The following SLC8A2 variants were observed in gnomAD, a reference collection of about 807,000 sequenced individuals.
The protein encoded by SLC8A2 is solute carrier family 8 member A2.
Under a neutral mutation model 70.2 loss-of-function variants are expected in SLC8A2, and 14 were observed. The observed-to-expected ratio is 0.20, with a 90% CI of 0.13 to 0.31. The LOEUF (loss-of-function observed/expected upper bound fraction) is 0.31. SLC8A2 is among the 10% of genes least tolerant of loss of function. The probability of loss-of-function intolerance (pLI) is 1.00; values close to 1 mark genes in which losing one functional copy is unlikely to be tolerated. For missense variants in SLC8A2, 779 were observed against 1,320.1 expected (o/e 0.59, Z 6.35); for synonymous variants, 575 against 594.3 (o/e 0.97, Z 0.47).
At chr19:47,454,670 T>C (rs1298319471) in intron 3 of SLC8A2, among the ~76,000 whole-genome samples, 1 of 152,026 alleles carries the variant, frequency 6.6e-6, no homozygotes, top group Non-Finnish European at 1.5e-5. Flanking sequence ...CTGGACTGAC[T>C]GAGGTGGAGG....
intron 4 of SLC8A2, among the ~76,000 whole-genome samples, chr19:47,445,839 T>C (rs1967154415): frequency 6.6e-6 from 1 of 152,146 alleles, no homozygotes; most frequent in South Asian, 2.1e-4. Context: ...TTCCCCCATC[T>C]CTTGGTGTGA....
chr19:47,450,646 A>ATCC (rs1323795798), intron 3 of SLC8A2, among the ~76,000 whole-genome samples: 3 of 152,116 alleles, frequency 2.0e-5, no homozygotes, highest in Non-Finnish European at 4.4e-5. Flanking sequence ...CAGTGGAGGG[A>ATCC]TGAGGGAGTC....
At chr19:47,454,356 G>T (rs1391686688) in intron 3 of SLC8A2, among the ~76,000 whole-genome samples, 1 of 152,212 alleles carries the variant, frequency 6.6e-6, no homozygotes, top group Non-Finnish European at 1.5e-5. Flanking sequence ...TCCCTCAACT[G>T]AGGGCATGTG....
intron 2 of SLC8A2, among the ~76,000 whole-genome samples, chr19:47,460,909 G>A (rs1170550262): frequency 2.0e-5 from 3 of 151,608 alleles, no homozygotes; most frequent in Non-Finnish European, 4.4e-5. Flanking sequence ...AGATGAAGAA[G>A]AAAAGATAAA....
intron 3 of SLC8A2, among the ~76,000 whole-genome samples, chr19:47,450,906 A>G (rs1967226528): frequency 6.6e-6 from 1 of 152,030 alleles, no homozygotes; most frequent in Non-Finnish European, 1.5e-5. Flanking sequence ...ATATCCACAT[A>G]TTAATATCAT....
Position 47,430,594 on chromosome 19 carries a change from G to T in SLC8A2, c.2390-129C>A. ...CGGGCAGTGTGGGCTCAAGACCCCT[G>T]ACCCCCACCCAAGAGGCAAAGTCCA... On this transcript the variant is annotated intron_variant, in intron 9 of 9. Coordinates refer to ENST00000236877, the MANE Select transcript of SLC8A2 (RefSeq NM_015063.3). This position sits in a 1 kb window ranked among gnomAD's most constrained non-coding sequence, Gnocchi z 5.9. 1 of 1,006,462 alleles carries T rather than the reference G, an allele frequency of 9.9e-7. No homozygotes were observed. Among genetic ancestry groups the T allele is most frequent in the Non-Finnish European group, 1.4e-6 (1 of 708,442 alleles). The allele number at this position is 1,006,462 out of a possible 1,614,324, so 62.3% of individuals were successfully genotyped here.
In SLC8A2 at chr19:47,468,820, G is replaced by A. The variant is rs952408326; in HGVS notation, c.-16-2401C>T. Among the ~76,000 whole-genome samples, 1 of 152,148 alleles carries A rather than the reference G, an allele frequency of 6.6e-6. No individual in the cohort carries two copies. Among genetic ancestry groups the A allele is most frequent in the African/African-American group, 2.4e-5 (1 of 41,430 alleles). ...TCTCCAAGAGTGGCCCTGACTCTGA[G>A]CTCCTCCGCCCCACCCTCATGTTGC... is the stretch of plus-strand genomic sequence containing the variant. On this transcript the variant is annotated intron_variant, in intron 1 of 9. Transcript: ENST00000236877. The surrounding 1 kb of genome is among the most constrained non-coding windows in gnomAD (Gnocchi z 5.1).
In SLC8A2 at chr19:47,448,000, G is replaced by A; in HGVS notation, c.1572C>T (p.Ile524=). The A allele has an allele frequency of 1.3e-6, 2 of 1,562,220 alleles. No homozygotes were observed. Among genetic ancestry groups the A allele is most frequent in the Non-Finnish European group, 1.7e-6 (2 of 1,153,094 alleles). The change falls in exon 4 of 10, where the codon ATC becomes ATT. Residue 524 remains isoleucine, a synonymous_variant. Transcript: ENST00000236877. This position sits in a 1 kb window ranked among gnomAD's most constrained non-coding sequence, Gnocchi z 5.1. ...GCAGCAGGCGGTCCTGGAAGGAGAA[G>A]ATGCCTGCGTGGTCGTCGTCCAGGA... The part of the protein sequence containing the change: ...VTILDDDHAG[I]FSFQDRLLHV...
intron 3 of SLC8A2, among the ~76,000 whole-genome samples, chr19:47,451,243 C>G (rs897125875): frequency 6.6e-6 from 1 of 151,916 alleles, no homozygotes; most frequent in Non-Finnish European, 1.5e-5. Context: ...CTCCTGACCT[C>G]GTGATCTGCC....
At chr19:47,443,532 C>T (rs1967123649) in intron 4 of SLC8A2, among the ~76,000 whole-genome samples, 1 of 152,232 alleles carries the variant, frequency 6.6e-6, no homozygotes. Context: ...CACCCACACG[C>T]CATCACACCC....
chr19:47,461,292 T>G (rs1013806187), intron 2 of SLC8A2, among the ~76,000 whole-genome samples: 6 of 151,392 alleles, frequency 4.0e-5, no homozygotes, highest in African/African-American at 1.5e-4. Flanking sequence ...GTGGATCACT[T>G]GAGCTCAGGA....
At chr19:47,440,033 T>G (rs1390426686) in intron 6 of SLC8A2, among the ~76,000 whole-genome samples, 1 of 152,162 alleles carries the variant, frequency 6.6e-6, no homozygotes, top group African/African-American at 2.4e-5. Context: ...CTTGTATTGC[T>G]TCCTCCAACG....
intron 3 of SLC8A2, among the ~76,000 whole-genome samples, chr19:47,449,498 C>CT (rs1397152066): frequency 1.3e-5 from 2 of 151,954 alleles, no homozygotes; most frequent in African/African-American, 4.8e-5. Context: ...ATTTTGTGTA[C>CT]TTTTTTGTAG....
intron 3 of SLC8A2, among the ~76,000 whole-genome samples, chr19:47,453,881 C>T (rs945532158): frequency 3.3e-5 from 5 of 150,586 alleles, no homozygotes; most frequent in East Asian, 2.0e-4. Flanking sequence ...GCCATGATTG[C>T]GCCACTGTGC....
rs781331368 is a variant in SLC8A2 at position 47,437,575 on chromosome 19, G to A, written c.2011-14C>T. The A allele has an allele frequency of 6.2e-5, 99 of 1,587,814 alleles. No individual in the cohort carries two copies. Among genetic ancestry groups the A allele is most frequent in the Non-Finnish European group, 7.2e-5 (83 of 1,156,400 alleles). On this transcript the variant is annotated splice_polypyrimidine_tract_variant and intron_variant, in intron 7 of 9. Coordinates refer to ENST00000236877, the MANE Select transcript of SLC8A2 (RefSeq NM_015063.3). Reference sequence around the variant, plus strand: ...ATCCACCGTGTTCTGGGGATGAGAGGGTGGGGGAGAGGTCACTGCCCCTGA... The same window carrying A: ...ATCCACCGTGTTCTGGGGATGAGAGAGTGGGGGAGAGGTCACTGCCCCTGA...
At chr19:47,444,065 T>C (rs1397510055) in intron 4 of SLC8A2, among the ~76,000 whole-genome samples, 1 of 151,942 alleles carries the variant, frequency 6.6e-6, no homozygotes, top group Non-Finnish European at 1.5e-5. Flanking sequence ...CTGGCTACTT[T>C]TAAATTTTTT....
intron 4 of SLC8A2, among the ~76,000 whole-genome samples, chr19:47,444,396 TC>T (rs1234487259): frequency 2.0e-5 from 3 of 152,156 alleles, no homozygotes; most frequent in Middle Eastern, 6.8e-3. Flanking sequence ...TGTGGGGACA[TC>T]CGCCCACCTC....
At position 47,430,282 on chromosome 19, in the gene SLC8A2, G is replaced by C; in HGVS notation, c.2573C>G (p.Ser858Cys). Reference sequence around the variant, plus strand: ...GGCGAAGACGGTGAAGAGCGTGACGGAGAAGGCCAGCGTGCCAGTGCGCAC... The same window carrying C: ...GGCGAAGACGGTGAAGAGCGTGACGCAGAAGGCCAGCGTGCCAGTGCGCAC... The part of the protein sequence containing the change: ...FEVRTGTLAF[S>C]VTLFTVFAFV... Residue 858 changes from serine (S) to cysteine (C), a missense_variant, in exon 10 of 10, where the codon TCC becomes TGC. Physicochemically the swap from Ser to Cys is moderately radical, Grantham distance 112. Around this residue, in one of 6 missense-constraint regions of SLC8A2, gnomAD observed 108 missense variants for 269.6 expected, o/e 0.40. Coordinates refer to ENST00000236877, the MANE Select transcript of SLC8A2 (RefSeq NM_015063.3). The surrounding 1 kb of genome is among the most constrained non-coding windows in gnomAD (Gnocchi z 5.9). 6.2e-7 allele frequency: 1 copy of C among 1,612,656 alleles called. No homozygotes were observed. The highest frequency in any genetic ancestry group is 8.5e-7 in the Non-Finnish European group (1 of 1,179,396).
rs1225999506 is a variant in SLC8A2 at position 47,456,878 on chromosome 19, G to A, written c.1340+52C>T. 23 of 1,503,148 alleles carry A rather than the reference G, an allele frequency of 1.5e-5. No homozygotes were observed. The East Asian group carries it at 5.3e-4, about 34-fold the overall frequency. The allele number at this position is 1,503,148 out of a possible 1,614,324, so 93.1% of individuals were successfully genotyped here. A position where few individuals can be genotyped will look rare whatever the true frequency, so the allele number is the denominator to read the frequency against. On this transcript the variant is annotated intron_variant, in intron 3 of 9. Coordinates refer to ENST00000236877, the MANE Select transcript of SLC8A2 (RefSeq NM_015063.3). ...GAGCCTGGAGGCCGCCGGACGGCGGGACCCACGGCCTGCGCCAGCCCCCTG... is the reference window on the plus strand; with the variant it reads ...GAGCCTGGAGGCCGCCGGACGGCGGAACCCACGGCCTGCGCCAGCCCCCTG...
Sources: gnomAD v4.1 joint callset for allele counts (sites outside exome capture counted in the v4.1 genomes callset) on GRCh38, gnomAD v4.1.1 for gene constraint, gnomAD v4.1.1 regional missense constraint, Gnocchi (gnomAD v3.1) non-coding constraint, MANE v1.5 for transcripts, NCBI Gene and HGNC (gene_info 2026-07-23, HGNC 2026-07-21) for gene names.